Variants in PCDHA1 observed in about 807,000 individuals in gnomAD.
PCDHA1 encodes the protein protocadherin alpha-1.
A neutral mutation model predicts 61.3 loss-of-function variants in PCDHA1; 42 were observed. The ratio of observed to expected loss-of-function variants is 0.69; its 90% confidence interval spans 0.54 to 0.89. PCDHA1 has a LOEUF of 0.89. PCDHA1 is among the 40% of genes least tolerant of loss of function. The probability of loss-of-function intolerance (pLI) is 0.00; values close to 1 mark genes in which losing one functional copy is unlikely to be tolerated. For synonymous variants in PCDHA1, 610 were observed against 553.8 expected (o/e 1.10, Z -1.43); for missense variants, 1,256 against 1,235.3 (o/e 1.02, Z -0.25).
intron 1 of PCDHA1, chr5:140,866,690 A>G (rs1371582983): frequency 1.3e-5 from 2 of 152,178 alleles, no homozygotes; most frequent in Non-Finnish European, 2.9e-5. Flanking sequence ...CTGTTAGAAT[A>G]TCAGTGGATG....
intron 1 of PCDHA1, among the ~76,000 whole-genome samples, chr5:140,936,969 A>G (rs1391736933): frequency 2.0e-5 from 3 of 152,202 alleles, no homozygotes; most frequent in African/African-American, 7.2e-5. Context: ...ATCTATAAAA[A>G]TATGAAGCTT....
In PCDHA1 at chr5:140,848,613, G is replaced by A. The variant is rs147099629; in HGVS notation, c.2394+59929G>A. On this transcript the variant is annotated intron_variant, in intron 1 of 3. Coordinates refer to ENST00000504120, the MANE Select transcript of PCDHA1 (RefSeq NM_018900.4). ...CCACTACTCCGTCCCGGAGGAAGCC[G>A]AACACGGCACCTTCGTGGGCCGCAT... 4,268 of 1,587,382 alleles carry A rather than the reference G, an allele frequency of 2.7e-3. 465 individuals carry two copies. The highest frequency in any genetic ancestry group is 9.6e-3 in the Middle Eastern group (55 of 5,726).
At chr5:140,938,041 G>T (rs2091894997) in intron 1 of PCDHA1, among the ~76,000 whole-genome samples, 1 of 151,764 alleles carries the variant, frequency 6.6e-6, no homozygotes, top group African/African-American at 2.4e-5. Flanking sequence ...TTTATATTTT[G>T]GGTTTTCTAC....
At chr5:140,863,871 C>T (rs2048215005) in intron 1 of PCDHA1, 1 of 171,736 alleles carries the variant, frequency 5.8e-6, no homozygotes, top group East Asian at 1.5e-4. Context: ...TGTGGTGGTG[C>T]GCACCTGTAA....
In PCDHA1 at chr5:140,828,503, C is replaced by A. The variant is rs1165644843; in HGVS notation, c.2394+39819C>A. ...CCCGCCCTTGTTCCCGGTAGAGGAA[C>A]AAAGAGTGCTGATTTACGAATCTAG... On this transcript the variant is annotated intron_variant, in intron 1 of 3. Transcript: ENST00000504120. The A allele has an allele frequency of 1.9e-6, 3 of 1,614,120 alleles. No individual in the cohort carries two copies. Among genetic ancestry groups the A allele is most frequent in the Admixed American group, 1.7e-5 (1 of 60,002 alleles).
intron 1 of PCDHA1, chr5:140,824,109 T>A: frequency 6.2e-7 from 1 of 1,614,074 alleles, no homozygotes; most frequent in South Asian, 1.1e-5. Flanking sequence ...TTCCTCAGGG[T>A]CCCACCTCTA....
chr5:140,802,502 G>A, intron 1 of PCDHA1: 1 of 1,614,156 alleles, frequency 6.2e-7, no homozygotes, highest in Non-Finnish European at 8.5e-7. Context: ...CGCCTTCACT[G>A]TGGGCCACGG....
intron 1 of PCDHA1, among the ~76,000 whole-genome samples, chr5:140,886,721 G>A (rs2061104522): frequency 6.6e-6 from 1 of 151,592 alleles, no homozygotes; most frequent in Non-Finnish European, 1.5e-5. Context: ...AGCTACTTGG[G>A]AGGCTGAAGC....
intron 1 of PCDHA1, chr5:140,871,711 T>C (rs1554165833): frequency 1.2e-6 from 1 of 815,266 alleles, no homozygotes; most frequent in Middle Eastern, 3.7e-4. Flanking sequence ...ATAAATGTCC[T>C]ATTTCTCTTA....
intron 1 of PCDHA1, among the ~76,000 whole-genome samples, chr5:140,945,003 C>A (rs2093723763): frequency 6.6e-6 from 1 of 152,064 alleles, no homozygotes; most frequent in South Asian, 2.1e-4. Flanking sequence ...GGTTGTGGGT[C>A]ATGAATTATT....
At chr5:140,808,787 C>T (rs1764263030) in intron 1 of PCDHA1, 1 of 1,612,462 alleles carries the variant, frequency 6.2e-7, no homozygotes, top group African/African-American at 1.3e-5. Flanking sequence ...GCTGCAGTTT[C>T]AGGTGACCGC....
chr5:140,845,660 T>C (rs1779973975), intron 1 of PCDHA1, among the ~76,000 whole-genome samples: 1 of 149,710 alleles, frequency 6.7e-6, no homozygotes, highest in African/African-American at 2.4e-5. Context: ...AATTTTTGTA[T>C]GTGTAGCCAT....
At chr5:140,836,397 A>G (rs1554135905) in intron 1 of PCDHA1, 6 of 1,613,640 alleles carry the variant, frequency 3.7e-6, no homozygotes, top group Non-Finnish European at 5.1e-6. Flanking sequence ...GCTGGTGGAA[A>G]GCGGCCAGGC....
At chr5:140,927,316 C>A in intron 1 of PCDHA1, 1 of 1,614,198 alleles carries the variant, frequency 6.2e-7, no homozygotes, top group Non-Finnish European at 8.5e-7. Flanking sequence ...GCCCGGAGCC[C>A]GCTTTACTCT....
chr5:140,940,305 A>G (rs2092590184), intron 1 of PCDHA1, among the ~76,000 whole-genome samples: 1 of 152,126 alleles, frequency 6.6e-6, no homozygotes, highest in Non-Finnish European at 1.5e-5. Flanking sequence ...GTAATTTATT[A>G]TCTTTCTTCC....
intron 3 of PCDHA1, among the ~76,000 whole-genome samples, chr5:140,993,629 T>G (rs1359195159): frequency 5.9e-5 from 9 of 152,160 alleles, no homozygotes; most frequent in Non-Finnish European, 1.0e-4. Flanking sequence ...CTATATATAG[T>G]CGTGTACCAA....
At chr5:140,835,560 G>C in intron 1 of PCDHA1, 1 of 1,613,902 alleles carries the variant, frequency 6.2e-7, no homozygotes. Context: ...GACGCCCCGC[G>C]TTCCCTTCAA....
chr5:140,967,185 A>G, intron 1 of PCDHA1: 1 of 1,613,242 alleles, frequency 6.2e-7, no homozygotes, highest in Non-Finnish European at 8.5e-7. Context: ...GAAATATTGG[A>G]CATCAACGAC....
rs1761450171 is a variant in PCDHA1, at chr5:140,788,225, C to T, written c.1935C>T (p.Tyr645=). The T allele has an allele frequency of 9.9e-6, 16 of 1,613,940 alleles. No individual in the cohort carries two copies. Among genetic ancestry groups the T allele is most frequent in the Admixed American group, 1.7e-5 (1 of 60,014 alleles). ...RVLDEADLSR[Y]RLLVLVKDHG... ...TGGACGAGGCTGACTTGTCGCGCTACCGCCTTCTGGTGCTAGTGAAGGATC... is the reference window on the plus strand; with the variant it reads ...TGGACGAGGCTGACTTGTCGCGCTATCGCCTTCTGGTGCTAGTGAAGGATC... Residue 645 remains tyrosine (Y), a synonymous_variant, in exon 1 of 4, where the codon TAC becomes TAT. Transcript: ENST00000504120.
Sources: gnomAD v4.1 joint callset for allele counts (sites outside exome capture counted in the v4.1 genomes callset) on GRCh38, gnomAD v4.1.1 for gene constraint, MANE v1.5 for transcripts, NCBI Gene and HGNC (gene_info 2026-07-23, HGNC 2026-07-21) for gene names.